ERCC6L2: variants seen among roughly 807,000 people sequenced by gnomAD.
The protein encoded by ERCC6L2 is ERCC excision repair 6 like 2, also known as DNA excision repair protein ERCC-6-like 2.
A neutral mutation model predicts 132.0 loss-of-function variants in ERCC6L2; 77 were observed. The observed-to-expected ratio is 0.58, with a 90% CI of 0.49 to 0.71. The LOEUF (loss-of-function observed/expected upper bound fraction) is 0.71. Ranked by LOEUF, ERCC6L2 falls within the 30% of genes least tolerant of loss-of-function variation. The pLI, the probability that ERCC6L2 is intolerant of heterozygous loss-of-function variation, is 0.00. For missense variants in ERCC6L2, 1,542 were observed against 1,837.6 expected (o/e 0.84, Z 2.94); for synonymous variants, 583 against 632.4 (o/e 0.92, Z 1.17).
intron 12 of ERCC6L2, among the ~76,000 whole-genome samples, chr9:95,950,924 C>T (rs1334168281): frequency 6.6e-6 from 1 of 152,062 alleles, no homozygotes; most frequent in African/African-American, 2.4e-5. Context: ...AACATTCAGA[C>T]AGAAGATCAA....
rs535926584 is a variant in ERCC6L2, at chr9:95,907,855, A to C, written c.788+584A>C. On this transcript the variant is annotated intron_variant, in intron 4 of 18. Coordinates refer to ENST00000653738, the MANE Select transcript of ERCC6L2 (RefSeq NM_020207.7). ...CACACACACACACACACACACACACACCCCCACACCCACACACCCACTGTA... is the reference window on the plus strand; with the variant it reads ...CACACACACACACACACACACACACCCCCCCACACCCACACACCCACTGTA... 3.4e-3 allele frequency among the ~76,000 whole-genome samples: 353 copies of C among 103,760 alleles called. 2 individuals carry two copies. Among genetic ancestry groups the C allele is most frequent in the South Asian group, 9.9e-3 (31 of 3,136 alleles). The allele number at this position is 103,760 out of a possible 152,430, so 68.1% of individuals were successfully genotyped here. A position where few individuals can be genotyped will look rare whatever the true frequency, so the allele number is the denominator to read the frequency against.
At chr9:96,040,945 A>AATG (rs1366079751) in intron 20 of ERCC6L2, among the ~76,000 whole-genome samples, 3 of 152,244 alleles carry the variant, frequency 2.0e-5, no homozygotes, top group Non-Finnish European at 4.4e-5. Flanking sequence ...TGTTTATGCT[A>AATG]ATGGGCCCCC....
At chr9:96,030,746 G>A (rs1377381926) in intron 19 of ERCC6L2, among the ~76,000 whole-genome samples, 28 of 150,310 alleles carry the variant, frequency 1.9e-4, no homozygotes, top group Admixed American at 1.8e-3. Flanking sequence ...GCGAAGGTAC[G>A]TGGCTCCAGC....
At chr9:96,030,701 C>CAG (rs1834446262) in intron 19 of ERCC6L2, among the ~76,000 whole-genome samples, 1 of 79,960 alleles carries the variant, frequency 1.3e-5, no homozygotes, top group African/African-American at 4.9e-5. Context: ...GACTCCATCT[C>CAG]AAAAAAAAAA....
chr9:95,917,410 G>C (rs1023291180), intron 6 of ERCC6L2, among the ~76,000 whole-genome samples: 9 of 152,116 alleles, frequency 5.9e-5, no homozygotes, highest in Admixed American at 4.6e-4. Flanking sequence ...TCCCAAATAA[G>C]GGCAATCCTA....
At chr9:95,989,398 T>C (rs1244815854) in intron 17 of ERCC6L2, among the ~76,000 whole-genome samples, 1 of 152,174 alleles carries the variant, frequency 6.6e-6, no homozygotes, top group Admixed American at 6.5e-5. Context: ...GAAAAGCACA[T>C]CACTTTATTT....
At chr9:95,935,968 T>C (rs1338445511) in intron 11 of ERCC6L2, among the ~76,000 whole-genome samples, 1 of 152,116 alleles carries the variant, frequency 6.6e-6, no homozygotes, top group African/African-American at 2.4e-5. Flanking sequence ...CTTAAAATAA[T>C]TTTTATGTAA....
intron 19 of ERCC6L2, among the ~76,000 whole-genome samples, chr9:96,036,502 C>T (rs557117141): frequency 3.3e-5 from 5 of 152,242 alleles, no homozygotes; most frequent in African/African-American, 7.2e-5. Context: ...TCTCTTCAAG[C>T]GCCTGCTTGC....
chr9:95,919,160 C>T (rs1299207004), intron 6 of ERCC6L2, among the ~76,000 whole-genome samples: 2 of 152,050 alleles, frequency 1.3e-5, no homozygotes, highest in Non-Finnish European at 2.9e-5. Flanking sequence ...CACGCCCGGC[C>T]TGTGTCTACA....
chr9:95,954,744 A>G (rs1424182439), intron 12 of ERCC6L2: 1 of 470,882 alleles, frequency 2.1e-6, no homozygotes, highest in South Asian at 1.6e-5. Context: ...AACACATTGT[A>G]GGAGAGAAAG....
chr9:95,929,047 A>G, intron 11 of ERCC6L2, 183 bp downstream of exon 11: 4 of 447,074 alleles, frequency 8.9e-6, no homozygotes, highest in Non-Finnish European at 1.6e-5. Flanking sequence ...CATTTCCTTT[A>G]TCAACATTGA....
rs1190194403 is a variant in ERCC6L2, at chr9:95,997,688, A to G, written c.3493-6832A>G. Among the ~76,000 whole-genome samples, 9 of 152,360 alleles carry G rather than the reference A, an allele frequency of 5.9e-5. No homozygotes were observed. The East Asian group carries it at 1.3e-3, about 23-fold the overall frequency. ...CAGAGGTATGCTTGTATTATCTTTT[A>G]AATTCCTATTCCAAATCATTTTACT... On this transcript the variant is annotated intron_variant, in intron 17 of 18. Transcript: ENST00000653738.
Position 96,012,605 on chromosome 9 carries a change from A to G in ERCC6L2, c.4055A>G (p.Asn1352Ser). 7.3e-7 allele frequency: 1 copy of G among 1,367,680 alleles called. No homozygotes were observed. The highest frequency in any genetic ancestry group is 9.8e-7 in the Non-Finnish European group (1 of 1,021,834). 84.7% of individuals were successfully genotyped at this position (1,367,680 alleles called of 1,614,324 possible). A position where few individuals can be genotyped will look rare whatever the true frequency, so the allele number is the denominator to read the frequency against. ...HISYREEVFF[N>S]DAETKKSPVS... is the part of the protein sequence containing the mutation. ...TCCTATAGAGAAGAGGTGTTTTTTA[A>G]TGATGCAGAAACTAAGAAATCACCT... The change falls in exon 19 of 19, where the codon AAT becomes AGT. Residue 1352 changes from asparagine (N) to serine (S), a missense_variant. Physicochemically the swap from Asn to Ser is conservative, Grantham distance 46 (BLOSUM62 1). This residue lies in a region of ERCC6L2 where 442 missense variants were observed against 583.4 expected (regional missense o/e 0.76). Transcript: ENST00000653738.
intron 19 of ERCC6L2, chr9:96,038,854 A>C (rs1249338347): frequency 6.6e-6 from 3 of 455,376 alleles, no homozygotes; most frequent in African/African-American, 6.0e-5. Flanking sequence ...CAGCAGTAAC[A>C]ATGTGTGACT....
At chr9:96,010,506 G>A (rs1833992080) in intron 18 of ERCC6L2, among the ~76,000 whole-genome samples, 1 of 152,182 alleles carries the variant, frequency 6.6e-6, no homozygotes, top group African/African-American at 2.4e-5. Context: ...GACCCCCTAT[G>A]ATTTTTAGCC....
chr9:95,932,268 ATT>A (rs1830375197), intron 11 of ERCC6L2, among the ~76,000 whole-genome samples: 2 of 151,826 alleles, frequency 1.3e-5, no homozygotes, highest in Non-Finnish European at 1.5e-5. Flanking sequence ...ATTTCACCAT[ATT>A]ATCCAGGCTG....
chr9:95,876,013 C>T lies in ERCC6L2; in HGVS notation c.-26C>T, dbSNP rs1482248980. On this transcript the variant is annotated 5_prime_UTR_variant, in exon 1 of 19. Coordinates refer to ENST00000653738, the MANE Select transcript of ERCC6L2 (RefSeq NM_020207.7). ...CCGCCTTCCGGGTGTTACATGCAGC[C>T]GGGCTCGGCCCCTCCCCCTGGCCGG... The T allele has an allele frequency of 1.9e-6, 3 of 1,576,744 alleles. No individual in the cohort carries two copies. In the Admixed American group the frequency reaches 5.4e-5, roughly 28 times the overall value.
At chr9:95,934,226 T>G (rs1169234601) in intron 11 of ERCC6L2, among the ~76,000 whole-genome samples, 1 of 152,172 alleles carries the variant, frequency 6.6e-6, no homozygotes, top group African/African-American at 2.4e-5. Context: ...ATCATCGTTG[T>G]CTTACAGAGT....
At chr9:95,954,352 C>T (rs1203535309) in intron 12 of ERCC6L2, among the ~76,000 whole-genome samples, 4 of 152,180 alleles carry the variant, frequency 2.6e-5, no homozygotes, top group Non-Finnish European at 2.9e-5. Flanking sequence ...CTTCCAAGCA[C>T]AGTGTACTGT....
Sources: gnomAD v4.1 joint callset for allele counts (sites outside exome capture counted in the v4.1 genomes callset) on GRCh38, gnomAD v4.1.1 for gene constraint, gnomAD v4.1.1 regional missense constraint, MANE v1.5 for transcripts, NCBI Gene and HGNC (gene_info 2026-07-23, HGNC 2026-07-21) for gene names.